Variants in CDC14B observed in about 807,000 individuals in gnomAD.
CDC14B encodes cell division cycle 14B.
In CDC14B, 22 loss-of-function variants were observed where a neutral mutation model predicts 64.2. That is an observed-to-expected ratio of 0.34 (90% CI 0.24 to 0.49). The LOEUF (loss-of-function observed/expected upper bound fraction) is 0.49, where lower values mean the gene tolerates loss of function less well. CDC14B is among the 20% of genes least tolerant of loss of function. The pLI is 0.99. For missense variants in CDC14B, 498 were observed against 629.9 expected (o/e 0.79, Z 2.24); for synonymous variants, 191 against 215.8 (o/e 0.89, Z 1.01).
intron 12 of CDC14B, among the ~76,000 whole-genome samples, chr9:96,511,244 A>G (rs768252498): frequency 1.3e-5 from 2 of 152,154 alleles, no homozygotes; most frequent in Non-Finnish European, 2.9e-5. Context: ...AGCATATCCA[A>G]CATTTAGTAA....
chr9:96,604,203 T>C (rs1846701426), intron 1 of CDC14B, among the ~76,000 whole-genome samples: 1 of 152,162 alleles, frequency 6.6e-6, no homozygotes, highest in South Asian at 2.1e-4. Flanking sequence ...GTTACACAAC[T>C]GTTAGTCAAA....
chr9:96,574,898 G>C (rs1334981190), intron 1 of CDC14B, among the ~76,000 whole-genome samples: 17 of 152,146 alleles, frequency 1.1e-4, no homozygotes, highest in Admixed American at 1.1e-3. Context: ...TGAGCACAGA[G>C]TGAGATAAGA....
chr9:96,600,341 T>C (rs192219983), intron 1 of CDC14B, among the ~76,000 whole-genome samples: 146 of 152,054 alleles, frequency 9.6e-4, no homozygotes, highest in African/African-American at 3.4e-3. Flanking sequence ...TAAGAAGAAC[T>C]GGACAGATGA....
intron 1 of CDC14B, 105 bp downstream of exon 1, chr9:96,619,114 T>G: frequency 1.1e-6 from 1 of 933,284 alleles, no homozygotes; most frequent in Non-Finnish European, 1.4e-6. Flanking sequence ...CGAAGGCATT[T>G]CGGCCCGGCC....
At chr9:96,498,073 C>T (rs1199245051), downstream of CDC14B, among the ~76,000 whole-genome samples, 1 of 152,216 alleles carries the variant, frequency 6.6e-6, no homozygotes. Flanking sequence ...AGTGCTCTGA[C>T]AGTAAGACGT....
intron 1 of CDC14B, among the ~76,000 whole-genome samples, chr9:96,604,402 C>T (rs1307464010): frequency 1.4e-5 from 2 of 146,062 alleles, no homozygotes; most frequent in Non-Finnish European, 3.0e-5. Context: ...TATTTTGAGA[C>T]AGAGTTTCCC....
intron 9 of CDC14B, among the ~76,000 whole-genome samples, chr9:96,524,386 G>A (rs1837251583): frequency 6.6e-6 from 1 of 152,122 alleles, no homozygotes; most frequent in Non-Finnish European, 1.5e-5. Context: ...CTTCTGCCCT[G>A]GGCATTTTAG....
At chr9:96,499,117 G>A (rs1464408522), downstream of CDC14B, among the ~76,000 whole-genome samples, 1 of 152,260 alleles carries the variant, frequency 6.6e-6, no homozygotes, top group Non-Finnish European at 1.5e-5. Flanking sequence ...GGCCTCAGGG[G>A]AAGCCATGGA....
At chr9:96,617,638 G>C (rs28668521) in intron 1 of CDC14B, among the ~76,000 whole-genome samples, 1 of 152,074 alleles carries the variant, frequency 6.6e-6, no homozygotes, top group African/African-American at 2.4e-5. Flanking sequence ...AGAATATATA[G>C]TATATATAGT....
intron 7 of CDC14B, among the ~76,000 whole-genome samples, chr9:96,535,894 T>C (rs955026454): frequency 6.6e-6 from 1 of 152,116 alleles, no homozygotes; most frequent in African/African-American, 2.4e-5. Flanking sequence ...GGCAACACAG[T>C]GAGACCCTCT....
intron 1 of CDC14B, among the ~76,000 whole-genome samples, chr9:96,577,921 G>GA (rs1333860397): frequency 6.6e-6 from 1 of 152,182 alleles, no homozygotes; most frequent in Non-Finnish European, 1.5e-5. Context: ...ATATGGCAAT[G>GA]AGAGTGCCTG....
chr9:96,566,358 ATTTTTTT>A (rs201974662), intron 1 of CDC14B, among the ~76,000 whole-genome samples: 9 of 140,870 alleles, frequency 6.4e-5, no homozygotes, highest in African/African-American at 1.1e-4. Flanking sequence ...ATGGTAAACT[ATTTTTTT>A]TTTTTTTTTG....
chr9:96,599,274 G>A (rs1459005416), intron 1 of CDC14B, among the ~76,000 whole-genome samples: 6 of 151,934 alleles, frequency 3.9e-5, no homozygotes, highest in African/African-American at 9.7e-5. Flanking sequence ...CCAGCTACTC[G>A]GGAAGCTGAG....
At chr9:96,529,263 T>C (rs77930254) in intron 9 of CDC14B, among the ~76,000 whole-genome samples, 2,075 of 152,280 alleles carry the variant, frequency 0.014, 50 homozygotes, top group African/African-American at 0.047. Context: ...TATGGTGTTA[T>C]GTAAGGGCCC....
intron 9 of CDC14B, among the ~76,000 whole-genome samples, chr9:96,528,803 A>G (rs1205925341): frequency 3.9e-5 from 6 of 152,166 alleles, no homozygotes; most frequent in Non-Finnish European, 7.3e-5. Flanking sequence ...CAGCCATCCC[A>G]ATGGGTATAA....
intron 4 of CDC14B, among the ~76,000 whole-genome samples, chr9:96,556,529 T>A (rs1842524158): frequency 6.6e-6 from 1 of 152,076 alleles, no homozygotes. Flanking sequence ...AAAAAACTCG[T>A]TAAAAAAAAC....
chr9:96,612,369 G>A (rs77691445), intron 1 of CDC14B, among the ~76,000 whole-genome samples: 1 of 152,202 alleles, frequency 6.6e-6, no homozygotes, highest in African/African-American at 2.4e-5. Flanking sequence ...CCTCGCAGCT[G>A]CTGTCACGCG....
intron 9 of CDC14B, among the ~76,000 whole-genome samples, chr9:96,532,338 A>C (rs1587847138): frequency 6.6e-6 from 1 of 152,120 alleles, no homozygotes; most frequent in African/African-American, 2.4e-5. Context: ...AATGTTTCTG[A>C]TGAGAGATCT....
rs115526764 is a variant in CDC14B at position 96,585,263 on chromosome 9, T to C, written c.161-19780A>G. Among the ~76,000 whole-genome samples the C allele has an allele frequency of 9.5e-3, 1,437 of 151,928 alleles. 19 individuals carry two copies. The highest frequency in any genetic ancestry group is 0.033 in the African/African-American group (1,348 of 41,380). On this transcript the variant is annotated intron_variant, in intron 1 of 13. Coordinates refer to ENST00000375241, the MANE Select transcript of CDC14B (RefSeq NM_033331.4). ...CTGGGATATATGTGCAGAACGTGTA[T>C]ACATGTGGCATGGTGGTTTGCTGCA...
Sources: allele counts gnomAD v4.1 joint callset (sites outside exome capture counted in the v4.1 genomes callset), GRCh38; gene constraint gnomAD v4.1.1; transcripts MANE v1.5; gene names NCBI Gene and HGNC (gene_info 2026-07-23, HGNC 2026-07-21).